The following SNX25 variants were observed in gnomAD, a reference collection of about 807,000 sequenced individuals.
The protein encoded by SNX25 is sorting nexin-25.
In SNX25, 62 loss-of-function variants were observed where a neutral mutation model predicts 113.7. The observed-to-expected ratio is 0.55, with a 90% CI of 0.44 to 0.67. The LOEUF (loss-of-function observed/expected upper bound fraction) is 0.67, where lower values mean the gene tolerates loss of function less well. SNX25 is among the 30% of genes least tolerant of loss of function. The pLI, the probability that SNX25 is intolerant of heterozygous loss-of-function variation, is 0.00. For synonymous variants in SNX25, 421 were observed against 436.2 expected, an observed-to-expected ratio of 0.97 and a Z score of 0.43; for missense variants, 1,014 against 1,161.0, an observed-to-expected ratio of 0.87 and a Z score of 1.84.
At chr4:185,253,895 A>G (rs1026240968) in intron 2 of SNX25, among the ~76,000 whole-genome samples, 4 of 152,286 alleles carry the variant, frequency 2.6e-5, no homozygotes, top group African/African-American at 4.8e-5. Flanking sequence ...CTTGAAAACA[A>G]TCATGACAGC....
chr4:185,293,265 C>T (rs1288294255), intron 6 of SNX25, among the ~76,000 whole-genome samples: 2 of 152,168 alleles, frequency 1.3e-5, no homozygotes, highest in Admixed American at 1.3e-4. Flanking sequence ...ACCATGTGAC[C>T]TAGCATTTCT....
intron 16 of SNX25, among the ~76,000 whole-genome samples, chr4:185,359,465 A>G (rs940006606): frequency 2.0e-5 from 3 of 152,108 alleles, no homozygotes; most frequent in Non-Finnish European, 4.4e-5. Context: ...AGGCAAACAA[A>G]TCTCTTTTGT....
chr4:185,264,651 C>T (rs926162744), intron 4 of SNX25, 41 bp downstream of exon 4: 1 of 1,586,396 alleles, frequency 6.3e-7, no homozygotes, highest in African/African-American at 1.3e-5. Flanking sequence ...AATAAGTGTG[C>T]AAACTAATGT....
intron 13 of SNX25, among the ~76,000 whole-genome samples, chr4:185,348,984 C>T (rs2095302107): frequency 6.6e-6 from 1 of 152,106 alleles, no homozygotes; most frequent in Admixed American, 6.5e-5. Context: ...TAGTCTGTTT[C>T]ACTCAACTTA....
At chr4:185,321,977 T>A (rs936329998) in intron 8 of SNX25, among the ~76,000 whole-genome samples, 1 of 152,232 alleles carries the variant, frequency 6.6e-6, no homozygotes, top group African/African-American at 2.4e-5. Flanking sequence ...GGGACTTGAA[T>A]GTCCTCGGAT....
intron 6 of SNX25, among the ~76,000 whole-genome samples, chr4:185,302,455 G>A (rs1753843823): frequency 6.6e-6 from 1 of 152,166 alleles, no homozygotes; most frequent in South Asian, 2.1e-4. Flanking sequence ...CACCAGAATT[G>A]AATTAGAGGA....
chr4:185,224,057 A>G (rs1469452872), intron 1 of SNX25, among the ~76,000 whole-genome samples: 2 of 152,000 alleles, frequency 1.3e-5, no homozygotes, highest in East Asian at 3.9e-4. Flanking sequence ...GTTTTTAAAA[A>G]ATATTATTAT....
At chr4:185,347,627 C>T (rs1008316621) in intron 13 of SNX25, among the ~76,000 whole-genome samples, 4 of 152,000 alleles carry the variant, frequency 2.6e-5, no homozygotes, top group Non-Finnish European at 4.4e-5. Flanking sequence ...CCTGCCACCA[C>T]GCCTGGCTAA....
chr4:185,217,737 G>A (rs1739100503), intron 1 of SNX25, among the ~76,000 whole-genome samples: 1 of 152,156 alleles, frequency 6.6e-6, no homozygotes, highest in Non-Finnish European at 1.5e-5. Flanking sequence ...ATTCTTTATA[G>A]TCAGAATGGT....
chr4:185,222,630 T>C (rs1260452815), intron 1 of SNX25, among the ~76,000 whole-genome samples: 1 of 152,232 alleles, frequency 6.6e-6, no homozygotes, highest in Non-Finnish European at 1.5e-5. Context: ...GGATGGCTCC[T>C]GGTGTTTCCT....
rs1349267464 is a variant in SNX25, at chr4:185,277,743, T to C, written c.1092-10269T>C. 5.3e-5 allele frequency among the ~76,000 whole-genome samples: 2 copies of C among 37,718 alleles called. 1 individual carries two copies. Among genetic ancestry groups the C allele is most frequent in the African/African-American group, 1.9e-4 (2 of 10,628 alleles). 24.7% of individuals were successfully genotyped at this position (37,718 alleles called of 152,430 possible). ...ACCTTTTTTTTTTTTTTTTTTTTTT[T>C]TTTTTTTGAGACGGAGTCTCGCTCT... On this transcript the variant is annotated intron_variant, in intron 5 of 18. Coordinates refer to ENST00000652585, the MANE Select transcript of SNX25 (RefSeq NM_001378034.2).
intron 5 of SNX25, among the ~76,000 whole-genome samples, chr4:185,286,600 A>G (rs996858658): frequency 8.5e-5 from 13 of 152,204 alleles, no homozygotes; most frequent in African/African-American, 3.1e-4. Flanking sequence ...CCAAGGCTAG[A>G]ATGGTATCAC....
intron 7 of SNX25, among the ~76,000 whole-genome samples, chr4:185,316,677 TATTTGACCCAG>T (rs2126676841): frequency 6.6e-6 from 1 of 152,328 alleles, no homozygotes; most frequent in African/African-American, 2.4e-5. Flanking sequence ...TCAGTTTACT[TATTTGACCCAG>T]GGTCAAGCCA....
At chr4:185,261,624 C>G (rs1747349851) in intron 3 of SNX25, among the ~76,000 whole-genome samples, 1 of 152,102 alleles carries the variant, frequency 6.6e-6, no homozygotes, top group Admixed American at 6.5e-5. Context: ...CATTTACTAG[C>G]TTTTGAAATT....
At chr4:185,240,522 G>T (rs1743648312) in intron 1 of SNX25, among the ~76,000 whole-genome samples, 2 of 149,246 alleles carry the variant, frequency 1.3e-5, no homozygotes, top group African/African-American at 4.9e-5. Context: ...TGGGCGGGGG[G>T]CTGACCCCCC....
rs138476195 is a variant in SNX25 at position 185,336,284 on chromosome 4, A to G, written c.1915-3095A>G. Reference sequence around the variant, plus strand: ...GGTATACCTATCACCCAAGCAGTGTACATTGTACCCAGTGTGTAGTCTTTT... The same window carrying G: ...GGTATACCTATCACCCAAGCAGTGTGCATTGTACCCAGTGTGTAGTCTTTT... On this transcript the variant is annotated intron_variant, in intron 10 of 18. Coordinates refer to ENST00000652585, the MANE Select transcript of SNX25 (RefSeq NM_001378034.2). Among the ~76,000 whole-genome samples, 121 of 152,286 alleles carry G rather than the reference A, an allele frequency of 7.9e-4. No individual in the cohort carries two copies. The East Asian group carries it at 0.017, about 22-fold the overall frequency.
intron 2 of SNX25, among the ~76,000 whole-genome samples, chr4:185,250,313 A>G (rs1745463262): frequency 1.3e-5 from 2 of 152,196 alleles, no homozygotes; most frequent in South Asian, 4.1e-4. Context: ...GGTGGACAGT[A>G]GTTGGAGTAT....
In SNX25 at chr4:185,292,441, C is replaced by T. The variant is rs11931383; in HGVS notation, c.1162+4359C>T. Among the ~76,000 whole-genome samples the T allele has an allele frequency of 9.0e-3, 1,365 of 152,240 alleles. 16 individuals are homozygous for T. Among genetic ancestry groups the T allele is most frequent in the African/African-American group, 0.031 (1,298 of 41,520 alleles). ...CAGACAGAGTTTCGCTCTTGTCACC[C>T]GGGCTGGAGGGCAATGACACAATCT... On this transcript the variant is annotated intron_variant, in intron 6 of 18. Transcript: ENST00000652585.
intron 1 of SNX25, among the ~76,000 whole-genome samples, chr4:185,240,788 C>T (rs1427284359): frequency 6.6e-6 from 1 of 150,790 alleles, no homozygotes; most frequent in African/African-American, 2.4e-5. Context: ...GGAGGGGCTC[C>T]TCACTTCTCA....
Sources: allele counts gnomAD v4.1 joint callset (sites outside exome capture counted in the v4.1 genomes callset), GRCh38; gene constraint gnomAD v4.1.1; transcripts MANE v1.5; gene names NCBI Gene and HGNC (gene_info 2026-07-23, HGNC 2026-07-21).